Variants in HILPDA observed in about 807,000 individuals in gnomAD.
HILPDA encodes the protein hypoxia inducible lipid droplet associated.
For synonymous variants in HILPDA, 37 were observed against 33.2 expected, an observed-to-expected ratio of 1.12 and a Z score of -0.40; for missense variants, 72 against 73.5, an observed-to-expected ratio of 0.98 and a Z score of 0.08.
rs5887381 is a variant in HILPDA, at chr7:128,458,214, GT to G, written c.*756del. On this transcript the variant is annotated 3_prime_UTR_variant, in exon 2 of 2. Coordinates refer to ENST00000257696, the MANE Select transcript of HILPDA (RefSeq NM_013332.4). The stretch of plus-strand genomic sequence containing the variant: ...CCATGTTTGGATAGCAGTTGAAGAG[GT>G]TGTGTGGGTGGGCTGTTGGGAGTGA... 119,070 of 166,922 alleles carry G rather than the reference GT, an allele frequency of 0.71. 42,845 individuals carry two copies. The highest frequency in any genetic ancestry group is 0.8 in the African/African-American group (33,055 of 41,458). 10.3% of individuals were successfully genotyped at this position (166,922 alleles called of 1,614,324 possible).
chr7:128,457,551 CG>C lies in HILPDA; in HGVS notation c.*92del. On this transcript the variant is annotated 3_prime_UTR_variant, in exon 2 of 2. Coordinates refer to ENST00000257696, the MANE Select transcript of HILPDA (RefSeq NM_013332.4). ...CATTCCTAGCAGACAAGCTGAGCAC[CG>C]TTGTAACCAGAGAACTATTACTAGG... 8.4e-7 allele frequency: 1 copy of C among 1,189,024 alleles called. No homozygotes were observed. The highest frequency in any genetic ancestry group is 1.2e-6 in the Non-Finnish European group (1 of 813,206). The allele number at this position is 1,189,024 out of a possible 1,614,324, so 73.7% of individuals were successfully genotyped here.
chr7:128,457,510 G>A lies in HILPDA; in HGVS notation c.*50G>A, dbSNP rs748679048. Reference sequence around the variant, plus strand: ...TATTTTGGAACACTGACCTAGACATGTCCAGATGGGAGTCCCATTCCTAGC... The same window carrying A: ...TATTTTGGAACACTGACCTAGACATATCCAGATGGGAGTCCCATTCCTAGC... On this transcript the variant is annotated 3_prime_UTR_variant, in exon 2 of 2. Transcript: ENST00000257696. The A allele has an allele frequency of 4.6e-6, 7 of 1,511,794 alleles. No homozygotes were observed. The highest frequency in any genetic ancestry group is 4.5e-5 in the South Asian group (4 of 88,684). The allele number at this position is 1,511,794 out of a possible 1,614,324, so 93.6% of individuals were successfully genotyped here.
In HILPDA at chr7:128,457,399, G is replaced by A; in HGVS notation, c.131G>A (p.Ser44Asn). Reference protein sequence around the residue: ...PSPGTSWTTRSQLANTEPTKG... With the variant: ...PSPGTSWTTRNQLANTEPTKG... ...CCTGGGACCTCCTGGACCACCAGAAGCCAACTAGCCAACACAGAGCCCACC... is the reference window on the plus strand; with the variant it reads ...CCTGGGACCTCCTGGACCACCAGAAACCAACTAGCCAACACAGAGCCCACC... The change falls in exon 2 of 2, where the codon AGC becomes AAC. Residue 44 changes from serine (S) to asparagine (N), a missense_variant. By Grantham distance (46) the Ser-to-Asn change is conservative. Transcript: ENST00000257696. The A allele has an allele frequency of 1.2e-6, 2 of 1,614,170 alleles. No homozygotes were observed. The highest frequency in any genetic ancestry group is 8.5e-7 in the Non-Finnish European group (1 of 1,180,022).
rs1463596414 is a variant in HILPDA at position 128,457,191 on chromosome 7, T to G, written c.-68-10T>G. 3.2e-6 allele frequency: 4 copies of G among 1,257,152 alleles called. 1 individual carries two copies. The highest frequency in any genetic ancestry group is 4.3e-5 in the Admixed American group (2 of 46,062). 77.9% of individuals were successfully genotyped at this position (1,257,152 alleles called of 1,614,324 possible). A position where few individuals can be genotyped will look rare whatever the true frequency, so the allele number is the denominator to read the frequency against. On this transcript the variant is annotated splice_polypyrimidine_tract_variant and intron_variant, in intron 1 of 1. Coordinates refer to ENST00000257696, the MANE Select transcript of HILPDA (RefSeq NM_013332.4). ...AGGCTATAGATTCATCCTTTCCTCT[T>G]TTTTCTCAGGGTCCAGAGGCCTTTC...
rs775119201 is a variant in HILPDA, at chr7:128,457,438, A to G, written c.170A>G (p.Asp57Gly). 5.0e-6 allele frequency: 8 copies of G among 1,614,152 alleles called. No homozygotes were observed. In the South Asian group the frequency reaches 8.8e-5, roughly 18 times the overall value. ...ACAGAGCCCACCAAGGGCCTTCCAG[A>G]CCATCCATCCAGAAGCATGTGATAA... The part of the protein sequence containing the change: ...ANTEPTKGLP[D>G]HPSRSM Residue 57 changes from aspartate to glycine, a missense_variant, in exon 2 of 2, where the codon GAC (aspartate) becomes GGC (glycine). Physicochemically the swap from Asp to Gly is moderately conservative, Grantham distance 94 (BLOSUM62 -1). Coordinates refer to ENST00000257696, the MANE Select transcript of HILPDA (RefSeq NM_013332.4).
Position 128,457,617 on chromosome 7 carries a change from C to T in HILPDA, c.*157C>T, listed in dbSNP as rs1799562330. ...TCTAACTGGATGCTCATTGCCTGGGCAAGGCCTGTTTAGGCCGGTTGCGGT... is the reference window on the plus strand; with the variant it reads ...TCTAACTGGATGCTCATTGCCTGGGTAAGGCCTGTTTAGGCCGGTTGCGGT... On this transcript the variant is annotated 3_prime_UTR_variant, in exon 2 of 2. Transcript: ENST00000257696. 1 of 738,972 alleles carries T rather than the reference C, an allele frequency of 1.4e-6. No homozygotes were observed. Among genetic ancestry groups the T allele is most frequent in the East Asian group, 2.7e-5 (1 of 36,532 alleles). 45.8% of individuals were successfully genotyped at this position (738,972 alleles called of 1,614,324 possible).
chr7:128,457,923 A>G lies in HILPDA; in HGVS notation c.*463A>G. The G allele has an allele frequency of 5.5e-6, 1 of 182,954 alleles. No homozygotes were observed. Among genetic ancestry groups the G allele is most frequent in the South Asian group, 1.4e-4 (1 of 7,162 alleles). 11.3% of individuals were successfully genotyped at this position (182,954 alleles called of 1,614,324 possible). A position where few individuals can be genotyped will look rare whatever the true frequency, so the allele number is the denominator to read the frequency against. On this transcript the variant is annotated 3_prime_UTR_variant, in exon 2 of 2. Transcript: ENST00000257696. ...AGACTCCATCTCAAAAAAAAAAGAAAAGAAAAAGCCTGTTTAATGCACAGG... is the reference window on the plus strand; with the variant it reads ...AGACTCCATCTCAAAAAAAAAAGAAGAGAAAAAGCCTGTTTAATGCACAGG...
At position 128,457,714 on chromosome 7, in the gene HILPDA, C is replaced by T. The variant is rs143956334; in HGVS notation, c.*254C>T. On this transcript the variant is annotated 3_prime_UTR_variant, in exon 2 of 2. Coordinates refer to ENST00000257696, the MANE Select transcript of HILPDA (RefSeq NM_013332.4). ...ATCACCTGAGGTCAGGAGTTCGAGACCAGCCTCGCCAACATGGCGAAACCC... is the reference window on the plus strand; with the variant it reads ...ATCACCTGAGGTCAGGAGTTCGAGATCAGCCTCGCCAACATGGCGAAACCC... 191 of 335,170 alleles carry T rather than the reference C, an allele frequency of 5.7e-4. 1 individual carries two copies. Among genetic ancestry groups the T allele is most frequent in the African/African-American group, 3.5e-3 (169 of 48,662 alleles). 20.8% of individuals were successfully genotyped at this position (335,170 alleles called of 1,614,324 possible). A position where few individuals can be genotyped will look rare whatever the true frequency, so the allele number is the denominator to read the frequency against.
At chr7:128,456,909 G>T (rs991264885) in intron 1 of HILPDA, among the ~76,000 whole-genome samples, 1 of 152,172 alleles carries the variant, frequency 6.6e-6, no homozygotes, top group African/African-American at 2.4e-5. Context: ...TGATCCACCC[G>T]CCTCGGCCTC....
chr7:128,457,548 C>A lies in HILPDA; in HGVS notation c.*88C>A. 1.6e-6 allele frequency: 2 copies of A among 1,232,176 alleles called. No individual in the cohort carries two copies. The highest frequency in any genetic ancestry group is 1.5e-5 in the African/African-American group (1 of 67,240). The allele number at this position is 1,232,176 out of a possible 1,614,324, so 76.3% of individuals were successfully genotyped here. On this transcript the variant is annotated 3_prime_UTR_variant, in exon 2 of 2. Transcript: ENST00000257696. ...TCCCATTCCTAGCAGACAAGCTGAG[C>A]ACCGTTGTAACCAGAGAACTATTAC...
chr7:128,457,527 A>T lies in HILPDA; in HGVS notation c.*67A>T, dbSNP rs1403956129. On this transcript the variant is annotated 3_prime_UTR_variant, in exon 2 of 2. Transcript: ENST00000257696. ...CTAGACATGTCCAGATGGGAGTCCC[A>T]TTCCTAGCAGACAAGCTGAGCACCG... 1.4e-6 allele frequency: 2 copies of T among 1,411,248 alleles called. No individual in the cohort carries two copies. Among genetic ancestry groups the T allele is most frequent in the Non-Finnish European group, 2.0e-6 (2 of 1,001,628 alleles). 87.4% of individuals were successfully genotyped at this position (1,411,248 alleles called of 1,614,324 possible).
chr7:128,457,625 G>T lies in HILPDA; in HGVS notation c.*165G>T. On this transcript the variant is annotated 3_prime_UTR_variant, in exon 2 of 2. Coordinates refer to ENST00000257696, the MANE Select transcript of HILPDA (RefSeq NM_013332.4). ...GATGCTCATTGCCTGGGCAAGGCCTGTTTAGGCCGGTTGCGGTGGCTCATG... is the reference window on the plus strand; with the variant it reads ...GATGCTCATTGCCTGGGCAAGGCCTTTTTAGGCCGGTTGCGGTGGCTCATG... The T allele has an allele frequency of 3.0e-6, 2 of 670,344 alleles. No homozygotes were observed. Among genetic ancestry groups the T allele is most frequent in the East Asian group, 2.8e-5 (1 of 35,744 alleles). 41.5% of individuals were successfully genotyped at this position (670,344 alleles called of 1,614,324 possible). A position where few individuals can be genotyped will look rare whatever the true frequency, so the allele number is the denominator to read the frequency against.
In HILPDA at chr7:128,455,923, C is replaced by T. The variant is rs1175633293; in HGVS notation, c.-169C>T. 3 of 456,608 alleles carry T rather than the reference C, an allele frequency of 6.6e-6. No homozygotes were observed. The highest frequency in any genetic ancestry group is 2.0e-5 in the African/African-American group (1 of 50,084). The allele number at this position is 456,608 out of a possible 1,614,324, so 28.3% of individuals were successfully genotyped here. On this transcript the variant is annotated 5_prime_UTR_variant, in exon 1 of 2. Coordinates refer to ENST00000257696, the MANE Select transcript of HILPDA (RefSeq NM_013332.4). ...CTTTTGTCTCCGGTGAGTTTTGTGGCGGGAAGCTTCTGCGCTGGTGCTTAG... is the reference window on the plus strand; with the variant it reads ...CTTTTGTCTCCGGTGAGTTTTGTGGTGGGAAGCTTCTGCGCTGGTGCTTAG...
In HILPDA at chr7:128,457,458, T is replaced by G. The variant is rs757154451; in HGVS notation, c.190T>G (p.Ter64GlyextTer1). Residue 64 changes from the stop codon to glycine, a stop_lost, in exon 2 of 2, where the codon TGA (stop) becomes GGA (glycine). Coordinates refer to ENST00000257696, the MANE Select transcript of HILPDA (RefSeq NM_013332.4). ...TCCAGACCATCCATCCAGAAGCATG[T>G]GATAAGACCTCCTTCCATACTGGCC... ...GLPDHPSRSM[*>G] 2.5e-6 allele frequency: 4 copies of G among 1,613,998 alleles called. No individual in the cohort carries two copies. The highest frequency in any genetic ancestry group is 2.5e-6 in the Non-Finnish European group (3 of 1,179,906).
chr7:128,457,485 T>TA lies in HILPDA; in HGVS notation c.*26dup. On this transcript the variant is annotated 3_prime_UTR_variant, in exon 2 of 2. Transcript: ENST00000257696. ...ATAAGACCTCCTTCCATACTGGCCA[T>TA]ATTTTGGAACACTGACCTAGACATG... The TA allele has an allele frequency of 6.2e-7, 1 of 1,605,762 alleles. No homozygotes were observed. The highest frequency in any genetic ancestry group is 8.5e-7 in the Non-Finnish European group (1 of 1,172,860).
In HILPDA at chr7:128,457,760, A is replaced by C; in HGVS notation, c.*300A>C. On this transcript the variant is annotated 3_prime_UTR_variant, in exon 2 of 2. Coordinates refer to ENST00000257696, the MANE Select transcript of HILPDA (RefSeq NM_013332.4). ...AACCCCATCTCTACTAAAAATACAA[A>C]AGTTAGCTGGGTGTGGTGGCAGAGG... 3.7e-6 allele frequency: 1 copy of C among 267,246 alleles called. No homozygotes were observed. Among genetic ancestry groups the C allele is most frequent in the Non-Finnish European group, 7.6e-6 (1 of 131,602 alleles). 16.6% of individuals were successfully genotyped at this position (267,246 alleles called of 1,614,324 possible). A position where few individuals can be genotyped will look rare whatever the true frequency, so the allele number is the denominator to read the frequency against.
chr7:128,457,466 C>T lies in HILPDA; in HGVS notation c.*6C>T. 1 of 1,613,778 alleles carries T rather than the reference C, an allele frequency of 6.2e-7. No homozygotes were observed. The highest frequency in any genetic ancestry group is 8.5e-7 in the Non-Finnish European group (1 of 1,179,732). ...ATCCATCCAGAAGCATGTGATAAGA[C>T]CTCCTTCCATACTGGCCATATTTTG... On this transcript the variant is annotated 3_prime_UTR_variant, in exon 2 of 2. Transcript: ENST00000257696.
chr7:128,457,316 A>C lies in HILPDA; in HGVS notation c.48A>C (p.Leu16=). 2 of 1,613,782 alleles carry C rather than the reference A, an allele frequency of 1.2e-6. No homozygotes were observed. Among genetic ancestry groups the C allele is most frequent in the Non-Finnish European group, 1.7e-6 (2 of 1,179,894 alleles). The change falls in exon 2 of 2, where the codon CTA becomes CTC. Residue 16 remains leucine, a synonymous_variant. Coordinates refer to ENST00000257696, the MANE Select transcript of HILPDA (RefSeq NM_013332.4). ...NLYLLGVVLT[L]LSIFVRVMES... ...ACCTGTTAGGTGTGGTACTGACCCT[A>C]CTCTCCATCTTCGTTAGAGTGATGG...
intron 1 of HILPDA, chr7:128,456,249 T>C: frequency 6.4e-6 from 2 of 312,796 alleles, no homozygotes; most frequent in South Asian, 5.2e-5. Context: ...GAGTTAGGCA[T>C]CCCTGCCATG....
Sources: gnomAD v4.1 joint callset for allele counts (sites outside exome capture counted in the v4.1 genomes callset) on GRCh38, gnomAD v4.1.1 for gene constraint, MANE v1.5 for transcripts, NCBI Gene and HGNC (gene_info 2026-07-23, HGNC 2026-07-21) for gene names.